The following ZNF451 variants were observed in gnomAD, a reference collection of about 807,000 sequenced individuals.
The protein encoded by ZNF451 is zinc finger protein 451.
ZNF451 carries 80 observed loss-of-function variants against 107.1 expected under a neutral mutation model. That is an observed-to-expected ratio of 0.75 (90% CI 0.62 to 0.90). The LOEUF (loss-of-function observed/expected upper bound fraction) is 0.90. ZNF451 is among the 40% of genes least tolerant of loss of function. The probability of loss-of-function intolerance (pLI) is 0.00; values close to 1 mark genes in which losing one functional copy is unlikely to be tolerated. For synonymous variants in ZNF451, 362 were observed against 406.5 expected, an observed-to-expected ratio of 0.89 and a Z score of 1.32; for missense variants, 1,107 against 1,236.2, an observed-to-expected ratio of 0.90 and a Z score of 1.57.
rs147711007 is a variant in ZNF451 at position 57,148,572 on chromosome 6, C to T, written c.2487C>T (p.Asn829=). 6.2e-7 allele frequency: 1 copy of T among 1,613,962 alleles called. No homozygotes were observed. The highest frequency in any genetic ancestry group is 1.3e-5 in the African/African-American group (1 of 74,910). ...SVAHFGSEKS[N]LYKFTASASH... ...CTCATTTTGGATCTGAAAAATCAAA[C>T]CTGTACAAGTTTACTGCTAGTGCCT... The change falls in exon 10 of 15, where the codon AAC becomes AAT. Residue 829 remains asparagine (N), a synonymous_variant. Transcript: ENST00000370706.
intron 14 of ZNF451, 83 bp downstream of exon 14, chr6:57,161,235 C>A (rs1225877805): frequency 2.9e-6 from 2 of 690,208 alleles, no homozygotes; most frequent in East Asian, 3.0e-5. Flanking sequence ...ACCCATTCAC[C>A]CCTCTTATTC....
chr6:57,127,557 C>T (rs1319805212), intron 4 of ZNF451, among the ~76,000 whole-genome samples: 2 of 152,152 alleles, frequency 1.3e-5, no homozygotes, highest in African/African-American at 2.4e-5. Flanking sequence ...GTTTCTGACT[C>T]TGATCCCTTT....
At position 57,105,652 on chromosome 6, in the gene ZNF451, T is replaced by C. The variant is rs370484944; in HGVS notation, c.186+6511T>C. On this transcript the variant is annotated intron_variant, in intron 3 of 14. Transcript: ENST00000370706. Reference sequence around the variant, plus strand: ...TTCCTTTTTGTTATTAGTGAGTGGCTAATTTTGGGGGGCCTTAAGGCAGCT... The same window carrying C: ...TTCCTTTTTGTTATTAGTGAGTGGCCAATTTTGGGGGGCCTTAAGGCAGCT... 50 of 985,398 alleles carry C rather than the reference T, an allele frequency of 5.1e-5. No individual in the cohort carries two copies. In the East Asian group the frequency reaches 4.7e-3, roughly 92 times the overall value. The allele number at this position is 985,398 out of a possible 1,614,324, so 61.0% of individuals were successfully genotyped here.
At chr6:57,160,003 A>G (rs1037036434) in intron 13 of ZNF451, among the ~76,000 whole-genome samples, 7 of 152,172 alleles carry the variant, frequency 4.6e-5, no homozygotes, top group Non-Finnish European at 8.8e-5. Context: ...ATAAATATAT[A>G]TTGATTTAAA....
chr6:57,147,963 G>A lies in ZNF451; in HGVS notation c.1878G>A (p.Met626Ile). 1.2e-6 allele frequency: 2 copies of A among 1,614,078 alleles called. No homozygotes were observed. Among genetic ancestry groups the A allele is most frequent in the Non-Finnish European group, 1.7e-6 (2 of 1,179,980 alleles). The change falls in exon 10 of 15, where the codon ATG (methionine) becomes ATA (isoleucine). Residue 626 changes from methionine (M) to isoleucine (I), a missense_variant. This residue lies in a region of ZNF451 where 608 missense variants were observed against 649.2 expected (regional missense o/e 0.94). Coordinates refer to ENST00000370706, the MANE Select transcript of ZNF451 (RefSeq NM_001031623.3). The stretch of plus-strand genomic sequence containing the variant: ...AGGAATATGTAAAACAGCACTGCAT[G>A]TCTTTGGCAAGCCACAAGTTTCATA... Reference protein sequence around the residue: ...DSQEYVKQHCMSLASHKFHRY... With the variant: ...DSQEYVKQHCISLASHKFHRY...
chr6:57,098,109 A>G (rs1227732395), intron 2 of ZNF451, among the ~76,000 whole-genome samples: 1 of 150,930 alleles, frequency 6.6e-6, no homozygotes, highest in Non-Finnish European at 1.5e-5. Context: ...AGCTGGGACT[A>G]CAGGCACGCA....
intron 12 of ZNF451, among the ~76,000 whole-genome samples, chr6:57,152,853 C>T (rs998217499): frequency 3.9e-5 from 6 of 152,164 alleles, no homozygotes; most frequent in African/African-American, 1.4e-4. Context: ...CTAGGCCTCC[C>T]AAAGTGCTGG....
intron 7 of ZNF451, among the ~76,000 whole-genome samples, chr6:57,135,489 T>C (rs1443899648): frequency 6.6e-6 from 1 of 152,160 alleles, no homozygotes; most frequent in Non-Finnish European, 1.5e-5. Flanking sequence ...AAGTCATCCT[T>C]AATCTCACAG....
At chr6:57,100,743 A>G (rs752813663) in intron 3 of ZNF451, 119 of 1,550,440 alleles carry the variant, frequency 7.7e-5, no homozygotes, top group Non-Finnish European at 9.7e-5. Flanking sequence ...TAGTTTCTCA[A>G]ACTTCCTCTG....
chr6:57,168,027 C>CA (rs1196724314), intron 14 of ZNF451, among the ~76,000 whole-genome samples: 1 of 152,096 alleles, frequency 6.6e-6, no homozygotes, highest in African/African-American at 2.4e-5. Context: ...TGGCCTGTGA[C>CA]ATTTTGTCAT....
intron 3 of ZNF451, among the ~76,000 whole-genome samples, chr6:57,117,840 T>C (rs2127954162): frequency 6.6e-6 from 1 of 152,312 alleles, no homozygotes; most frequent in Non-Finnish European, 1.5e-5. Context: ...AATGGTTTTA[T>C]TATGGCCTAG....
intron 14 of ZNF451, among the ~76,000 whole-genome samples, chr6:57,167,180 T>TACAC (rs199786089): frequency 4.4e-4 from 66 of 150,916 alleles, no homozygotes; most frequent in Middle Eastern, 3.4e-3. Flanking sequence ...TTCGTATATA[T>TACAC]ATACACACAC....
chr6:57,148,240 C>T lies in ZNF451; in HGVS notation c.2155C>T (p.Gln719Ter). The T allele has an allele frequency of 6.2e-7, 1 of 1,613,950 alleles. No homozygotes were observed. Among genetic ancestry groups the T allele is most frequent in the Non-Finnish European group, 8.5e-7 (1 of 1,179,944 alleles). Residue 719 changes from glutamine to a stop codon, truncating the protein, a stop_gained, in exon 10 of 15, where the codon CAG becomes TAG. Transcript: ENST00000370706. LOFTEE classifies it high-confidence loss of function. ...DDFPVIETSN[Q>*]LTCGCRESYI... ...TTTTCCAGTAATAGAGACCAGTAAC[C>T]AGTTAACTTGTGGTTGCCGTGAGAG...
intron 7 of ZNF451, among the ~76,000 whole-genome samples, chr6:57,138,741 A>ATATATATATG (rs1365084616): frequency 3.9e-4 from 18 of 46,600 alleles, no homozygotes; most frequent in Admixed American, 1.2e-3. Context: ...ATATATATAT[A>ATATATATATG]TGTGTGTGTG....
chr6:57,109,637 G>T (rs974615052), intron 3 of ZNF451: 1 of 985,334 alleles, frequency 1.0e-6, no homozygotes. Context: ...ATGTGATCAT[G>T]TTCCCCTTTA....
chr6:57,101,926 T>G (rs1358407838), intron 3 of ZNF451: 1 of 1,550,352 alleles, frequency 6.5e-7, no homozygotes, highest in Non-Finnish European at 8.7e-7. Flanking sequence ...AGAAAATGAC[T>G]ATAAAGATCA....
intron 9 of ZNF451, among the ~76,000 whole-genome samples, chr6:57,146,341 T>A (rs1832063312): frequency 6.6e-6 from 1 of 152,174 alleles, no homozygotes; most frequent in African/African-American, 2.4e-5. Flanking sequence ...TCATAAATTT[T>A]TTGCCTAGGC....
chr6:57,107,319 G>A (rs979797395), intron 3 of ZNF451: 3 of 984,532 alleles, frequency 3.0e-6, no homozygotes, highest in Admixed American at 6.2e-5. Flanking sequence ...GGATTTTGAT[G>A]TGGCTTTGTA....
intron 3 of ZNF451, chr6:57,105,406 T>C (rs1829806032): frequency 2.0e-6 from 2 of 985,312 alleles, no homozygotes; most frequent in Non-Finnish European, 2.4e-6. Flanking sequence ...TTCTACACTT[T>C]TCTTTAAAAC....
Sources: gnomAD v4.1 joint callset for allele counts (sites outside exome capture counted in the v4.1 genomes callset) on GRCh38, gnomAD v4.1.1 for gene constraint, gnomAD v4.1.1 regional missense constraint, MANE v1.5 for transcripts, NCBI Gene and HGNC (gene_info 2026-07-23, HGNC 2026-07-21) for gene names.